The following MLLT6 variants were observed in gnomAD, a reference collection of about 807,000 sequenced individuals.
The protein encoded by MLLT6 is protein AF-17.
MLLT6 carries 22 observed loss-of-function variants against 103.0 expected under a neutral mutation model. That is an observed-to-expected ratio of 0.21 (90% CI 0.15 to 0.31). The LOEUF (loss-of-function observed/expected upper bound fraction) is 0.31. MLLT6 is among the 10% of genes least tolerant of loss of function. The probability of loss-of-function intolerance (pLI) is 1.00; values close to 1 mark genes in which losing one functional copy is unlikely to be tolerated. For synonymous variants in MLLT6, 606 were observed against 623.5 expected, an observed-to-expected ratio of 0.97 and a Z score of 0.42; for missense variants, 1,199 against 1,441.7, an observed-to-expected ratio of 0.83 and a Z score of 2.73.
At position 38,716,556 on chromosome 17, in the gene MLLT6, TCTC is replaced by T. The variant is rs1475042267; in HGVS notation, c.1228_1230del (p.Ser410del). On this transcript the variant is annotated inframe_deletion, in exon 10 of 20. Coordinates refer to ENST00000621332, the MANE Select transcript of MLLT6 (RefSeq NM_005937.4). This position sits in a 1 kb window ranked among gnomAD's most constrained non-coding sequence, Gnocchi z 5.6. ...TCTGGCTTTGGGCCCATCATGCGCT[TCTC>T]CACCACCACCTCCAGCTCAGGCCGG... 5.6e-6 allele frequency: 9 copies of T among 1,613,900 alleles called. No individual in the cohort carries two copies. Among genetic ancestry groups the T allele is most frequent in the African/African-American group, 1.3e-5 (1 of 74,884 alleles).
intron 8 of MLLT6, chr17:38,714,317 G>C (rs1597993667): frequency 6.6e-6 from 1 of 152,320 alleles, no homozygotes; most frequent in South Asian, 2.1e-4. Flanking sequence ...GCTGCCACTG[G>C]ACGTCTCATC....
chr17:38,716,992 C>A lies in MLLT6; in HGVS notation c.1651+11C>A. On this transcript the variant is annotated intron_variant, in intron 10 of 19. Coordinates refer to ENST00000621332, the MANE Select transcript of MLLT6 (RefSeq NM_005937.4). The surrounding 1 kb of genome is among the most constrained non-coding windows in gnomAD (Gnocchi z 5.6). ...CCTTACTAGGGGCAGGTTAGTGACC[C>A]CTGGGGACAGAGGGCATTTCAGGGC... The A allele has an allele frequency of 6.2e-7, 1 of 1,612,600 alleles. No homozygotes were observed. The highest frequency in any genetic ancestry group is 2.2e-5 in the East Asian group (1 of 44,870).
Position 38,716,357 on chromosome 17 carries a change from C to G in MLLT6, c.1037-10C>G. 4 of 1,604,384 alleles carry G rather than the reference C, an allele frequency of 2.5e-6. No homozygotes were observed. The highest frequency in any genetic ancestry group is 3.4e-6 in the Non-Finnish European group (4 of 1,177,124). On this transcript the variant is annotated splice_polypyrimidine_tract_variant and intron_variant, in intron 9 of 19. Transcript: ENST00000621332. The surrounding 1 kb of genome is among the most constrained non-coding windows in gnomAD (Gnocchi z 5.6). The stretch of plus-strand genomic sequence containing the variant: ...GGGTCCAGCTGTAACTGTTTCCCCT[C>G]TGTGCACAGTCTCGTCCCTGCAGAG...
Position 38,711,972 on chromosome 17 carries a change from G to A in MLLT6, c.678G>A (p.Gln226=). The change falls in exon 7 of 20, where the codon CAG becomes CAA. Residue 226 remains glutamine, a synonymous_variant. Coordinates refer to ENST00000621332, the MANE Select transcript of MLLT6 (RefSeq NM_005937.4). ...GCCGGTCAGCCTCACCATCCACGCAGCAGGAGAAGCACCCCACCCACCACG... is the reference window on the plus strand; with the variant it reads ...GCCGGTCAGCCTCACCATCCACGCAACAGGAGAAGCACCCCACCCACCACG... ...RRSRSASPST[Q]QEKHPTHHER... 6.2e-7 allele frequency: 1 copy of A among 1,606,770 alleles called. No individual in the cohort carries two copies. The highest frequency in any genetic ancestry group is 8.5e-7 in the Non-Finnish European group (1 of 1,175,932).
chr17:38,722,980 A>G (rs1441500661), intron 18 of MLLT6, among the ~76,000 whole-genome samples: 2 of 152,112 alleles, frequency 1.3e-5, no homozygotes, highest in African/African-American at 2.4e-5. Context: ...GCATTGAGAA[A>G]GGGCTGCTGT....
chr17:38,728,068 C>G lies in MLLT6; in HGVS notation c.*2470C>G, dbSNP rs1203561157. ...GTTCTCATCTCCAAGTGGCTGTTCT[C>G]CAACTTTCCCAAGCCGCTTGCATTC... On this transcript the variant is annotated 3_prime_UTR_variant, in exon 20 of 20. Transcript: ENST00000621332. 3 of 233,184 alleles carry G rather than the reference C, an allele frequency of 1.3e-5. No individual in the cohort carries two copies. Among genetic ancestry groups the G allele is most frequent in the Non-Finnish European group, 8.5e-6 (1 of 118,084 alleles). 14.4% of individuals were successfully genotyped at this position (233,184 alleles called of 1,614,324 possible).
chr17:38,719,472 A>C, intron 12 of MLLT6, 45 bp from the exon 13 acceptor site: 4 of 1,533,120 alleles, frequency 2.6e-6, no homozygotes, highest in Non-Finnish European at 3.6e-6. Flanking sequence ...ACCCTGAGGC[A>C]GCTACCACTC....
chr17:38,723,979 G>T (rs907223593), intron 18 of MLLT6, among the ~76,000 whole-genome samples: 2 of 152,134 alleles, frequency 1.3e-5, no homozygotes, highest in African/African-American at 4.8e-5. Flanking sequence ...CTGACCTCAA[G>T]TGATCCACCG....
intron 14 of MLLT6, 74 bp downstream of exon 14, chr17:38,719,969 A>T: frequency 6.8e-7 from 1 of 1,477,932 alleles, no homozygotes; most frequent in Non-Finnish European, 9.0e-7. Context: ...GAGGTCCCCA[A>T]GCTTCTTTAA....
rs1278757844 is a variant in MLLT6 at position 38,716,337 on chromosome 17, C to A, written c.1037-30C>A. 6.3e-7 allele frequency: 1 copy of A among 1,589,624 alleles called. No individual in the cohort carries two copies. The highest frequency in any genetic ancestry group is 1.9e-5 in the Admixed American group (1 of 51,546). ...GGAGGGAGTGCGGGGATCTGGGGTC[C>A]AGCTGTAACTGTTTCCCCTCTGTGC... On this transcript the variant is annotated intron_variant, in intron 9 of 19. Coordinates refer to ENST00000621332, the MANE Select transcript of MLLT6 (RefSeq NM_005937.4). This position sits in a 1 kb window ranked among gnomAD's most constrained non-coding sequence, Gnocchi z 5.6.
At position 38,727,312 on chromosome 17, in the gene MLLT6, G is replaced by T. The variant is rs575677941; in HGVS notation, c.*1714G>T. On this transcript the variant is annotated 3_prime_UTR_variant, in exon 20 of 20. Transcript: ENST00000621332. ...AGATGTTAGGGAGCTGATAATGGAG[G>T]GGGGTGGGAATCCTTCAAAGGCAAT... 4 of 231,484 alleles carry T rather than the reference G, an allele frequency of 1.7e-5. No individual in the cohort carries two copies. Among genetic ancestry groups the T allele is most frequent in the African/African-American group, 6.7e-5 (3 of 44,886 alleles). The allele number at this position is 231,484 out of a possible 1,614,324, so 14.3% of individuals were successfully genotyped here. A position where few individuals can be genotyped will look rare whatever the true frequency, so the allele number is the denominator to read the frequency against.
chr17:38,721,002 A>G (rs145526787), intron 16 of MLLT6: 1 of 572,344 alleles, frequency 1.7e-6, no homozygotes, highest in East Asian at 3.0e-5. Context: ...AAGAAGGAGT[A>G]ATCACAAACT....
intron 6 of MLLT6, among the ~76,000 whole-genome samples, chr17:38,710,387 AC>A (rs1323628771): frequency 6.6e-6 from 1 of 151,728 alleles, no homozygotes; most frequent in Non-Finnish European, 1.5e-5. Context: ...GCTTGGATCT[AC>A]CCCCGAGCCA....
rs1472459983 is a variant in MLLT6, at chr17:38,711,907, A to C, written c.613A>C (p.Met205Leu). The change falls in exon 7 of 20, where the codon ATG becomes CTG. Residue 205 changes from methionine to leucine, a missense_variant. By Grantham distance (15) the Met-to-Leu change is conservative. Around this residue, in one of 7 missense-constraint regions of MLLT6, gnomAD observed 1,034 missense variants for 1,091.5 expected, o/e 0.95. Coordinates refer to ENST00000621332, the MANE Select transcript of MLLT6 (RefSeq NM_005937.4). Reference sequence around the variant, plus strand: ...AGGCGCTGGAGGAGGAGGTGGCAGCATGGGGGGAGGTGGCAGTGGTTTCAT... The same window carrying C: ...AGGCGCTGGAGGAGGAGGTGGCAGCCTGGGGGGAGGTGGCAGTGGTTTCAT... ...GGGAGGGGGS[M>L]GGGGSGFISG... The C allele has an allele frequency of 6.2e-7, 1 of 1,607,738 alleles. No homozygotes were observed. Among genetic ancestry groups the C allele is most frequent in the Non-Finnish European group, 8.5e-7 (1 of 1,176,710 alleles).
At position 38,717,592 on chromosome 17, in the gene MLLT6, T is replaced by C. The variant is rs373588898; in HGVS notation, c.1812T>C (p.Ser604=). 3.1e-6 allele frequency: 5 copies of C among 1,613,702 alleles called. No homozygotes were observed. The highest frequency in any genetic ancestry group is 4.2e-6 in the Non-Finnish European group (5 of 1,179,880). The change falls in exon 11 of 20, where the codon TCT becomes TCC. Residue 604 remains serine, a synonymous_variant. Transcript: ENST00000621332. Reference sequence around the variant, plus strand: ...TCACCAGCACCCTCCCCTCCTCTTCTGCTTCTATCTCCACCACTCAGGTGA... The same window carrying C: ...TCACCAGCACCCTCCCCTCCTCTTCCGCTTCTATCTCCACCACTCAGGTGA... ...SPFTSTLPSS[S]ASISTTQVFS...
chr17:38,705,423 G>C lies in MLLT6; in HGVS notation c.-210G>C, dbSNP rs892249115. On this transcript the variant is annotated 5_prime_UTR_variant, in exon 1 of 20. Coordinates refer to ENST00000621332, the MANE Select transcript of MLLT6 (RefSeq NM_005937.4). Reference sequence around the variant, plus strand: ...GGGGCATGAGGGCGAGAGCACGGCGGGGGGGGCGGCCAGACAGAGCGAGCG... The same window carrying C: ...GGGGCATGAGGGCGAGAGCACGGCGCGGGGGGCGGCCAGACAGAGCGAGCG... The C allele has an allele frequency of 9.9e-5, 39 of 393,626 alleles. No individual in the cohort carries two copies. Among genetic ancestry groups the C allele is most frequent in the East Asian group, 2.2e-4 (5 of 23,004 alleles). 24.4% of individuals were successfully genotyped at this position (393,626 alleles called of 1,614,324 possible). A position where few individuals can be genotyped will look rare whatever the true frequency, so the allele number is the denominator to read the frequency against.
intron 10 of MLLT6, 97 bp from the exon 11 acceptor site, chr17:38,717,335 G>T: frequency 1.0e-6 from 1 of 969,464 alleles, no homozygotes. Context: ...AGATCCCGGG[G>T]AGCACTCGAG....
chr17:38,717,716 C>G (rs1905427016), intron 11 of MLLT6, 103 bp downstream of exon 11: 2 of 1,418,500 alleles, frequency 1.4e-6, no homozygotes, highest in Non-Finnish European at 2.0e-6. Flanking sequence ...GGCTGAGTTG[C>G]CATCAGACCA....
chr17:38,728,587 C>G lies in MLLT6; in HGVS notation c.*2989C>G, dbSNP rs1347871627. 8.6e-6 allele frequency: 2 copies of G among 233,418 alleles called. No homozygotes were observed. Among genetic ancestry groups the G allele is most frequent in the African/African-American group, 4.4e-5 (2 of 45,336 alleles). 14.5% of individuals were successfully genotyped at this position (233,418 alleles called of 1,614,324 possible). Reference sequence around the variant, plus strand: ...GCTGTGGGGTCACAACTGGTGCATGCCAGCGCCAAAGGGACCTGTCTTTAG... The same window carrying G: ...GCTGTGGGGTCACAACTGGTGCATGGCAGCGCCAAAGGGACCTGTCTTTAG... On this transcript the variant is annotated 3_prime_UTR_variant, in exon 20 of 20. Transcript: ENST00000621332.
Sources: gnomAD v4.1 joint callset for allele counts (sites outside exome capture counted in the v4.1 genomes callset) on GRCh38, gnomAD v4.1.1 for gene constraint, gnomAD v4.1.1 regional missense constraint, Gnocchi (gnomAD v3.1) non-coding constraint, MANE v1.5 for transcripts, NCBI Gene and HGNC (gene_info 2026-07-23, HGNC 2026-07-21) for gene names.